KLHDC2: variants seen among roughly 807,000 people sequenced by gnomAD.
KLHDC2 encodes the protein kelch domain-containing protein 2.
In KLHDC2, 38 loss-of-function variants were observed where a neutral mutation model predicts 62.3. The observed-to-expected ratio is 0.61, with a 90% CI of 0.47 to 0.80. KLHDC2 has a LOEUF of 0.80. Ranked by LOEUF, KLHDC2 falls within the 30% of genes least tolerant of loss-of-function variation. The pLI is 0.00. For missense variants in KLHDC2, 430 were observed against 495.3 expected (o/e 0.87, Z 1.25); for synonymous variants, 159 against 161.0 (o/e 0.99, Z 0.09).
intron 2 of KLHDC2, among the ~76,000 whole-genome samples, chr14:49,773,812 G>A (rs1889715344): frequency 6.6e-6 from 1 of 151,946 alleles, no homozygotes; most frequent in Admixed American, 6.6e-5. Context: ...TCTTGACCTT[G>A]TGATCCACCT....
chr14:49,774,813 A>G, intron 3 of KLHDC2, 135 bp downstream of exon 3: 1 of 724,834 alleles, frequency 1.4e-6, no homozygotes, highest in Admixed American at 2.2e-5. Flanking sequence ...TATGATATGA[A>G]TGTGCATTTT....
chr14:49,769,425 A>G (rs1889614000), intron 1 of KLHDC2, among the ~76,000 whole-genome samples: 1 of 152,142 alleles, frequency 6.6e-6, no homozygotes, highest in Non-Finnish European at 1.5e-5. Flanking sequence ...GGTCTTGAAA[A>G]TGTTCTCCGC....
Position 49,778,168 on chromosome 14 carries a change from C to T in KLHDC2, c.468-10C>T, listed in dbSNP as rs1211503461. ...TTGAATTTTTAGTGTCTTGGTTTTT[C>T]ATCCAACAGGTTAATATTTTTTGGA... On this transcript the variant is annotated splice_polypyrimidine_tract_variant and intron_variant, in intron 4 of 12. Coordinates refer to ENST00000298307, the MANE Select transcript of KLHDC2 (RefSeq NM_014315.3). 1.3e-6 allele frequency: 2 copies of T among 1,574,598 alleles called. No homozygotes were observed. The highest frequency in any genetic ancestry group is 1.1e-5 in the South Asian group (1 of 87,154).
intron 11 of KLHDC2, 41 bp downstream of exon 11, chr14:49,782,498 C>A: frequency 6.3e-7 from 1 of 1,594,976 alleles, no homozygotes; most frequent in East Asian, 2.2e-5. Context: ...AACTTACTTG[C>A]AAAGCATTTG....
At position 49,778,443 on chromosome 14, in the gene KLHDC2, T is replaced by C. The variant is rs35029396; in HGVS notation, c.582T>C (p.His194=). The C allele has an allele frequency of 4.1e-3, 6,509 of 1,590,490 alleles. 256 individuals carry two copies. The African/African-American group carries it at 0.076, about 19-fold the overall frequency. ...GTCATCCAAGAGGATGGAATGATCA[T>C]GTACATATTTTAGATACTGAAACAT... ...NSSHPRGWND[H]VHILDTETFT... is the part of the protein sequence containing the mutation. Residue 194 remains histidine, a synonymous_variant, in exon 6 of 13, where the codon CAT becomes CAC. Transcript: ENST00000298307.
Position 49,785,033 on chromosome 14 carries a change from T to C in KLHDC2, c.*2080T>C. The C allele has an allele frequency of 6.2e-7, 1 of 1,608,530 alleles. No homozygotes were observed. The highest frequency in any genetic ancestry group is 8.5e-7 in the Non-Finnish European group (1 of 1,175,204). ...TAAATACAAAAAAGAGTAAGAATAA[T>C]CTACTGTTAAGTCACTGAACTGTTT... On this transcript the variant is annotated 3_prime_UTR_variant, in exon 13 of 13. Coordinates refer to ENST00000298307, the MANE Select transcript of KLHDC2 (RefSeq NM_014315.3).
intron 10 of KLHDC2, among the ~76,000 whole-genome samples, chr14:49,781,697 T>C (rs1310385727): frequency 1.3e-5 from 2 of 149,970 alleles, no homozygotes; most frequent in African/African-American, 4.9e-5. Flanking sequence ...ACTCTGTCTC[T>C]TAAAAAAAAA....
At position 49,785,004 on chromosome 14, in the gene KLHDC2, G is replaced by A. The variant is rs772970976; in HGVS notation, c.*2051G>A. 1.2e-6 allele frequency: 2 copies of A among 1,613,198 alleles called. No homozygotes were observed. On this transcript the variant is annotated 3_prime_UTR_variant, in exon 13 of 13. Transcript: ENST00000298307. Reference sequence around the variant, plus strand: ...GAAACTATTCAAGGCTGTTTTTGCAGCTGTAAATACAAAAAAGAGTAAGAA... The same window carrying A: ...GAAACTATTCAAGGCTGTTTTTGCAACTGTAAATACAAAAAAGAGTAAGAA...
chr14:49,781,369 C>CAA (rs1555343492), intron 10 of KLHDC2, among the ~76,000 whole-genome samples: 22 of 124,636 alleles, frequency 1.8e-4, no homozygotes, highest in African/African-American at 6.8e-4. Flanking sequence ...AACTCTGTCT[C>CAA]AAAAAAAAAA....
At chr14:49,775,760 G>A (rs773281036) in intron 3 of KLHDC2, among the ~76,000 whole-genome samples, 2 of 151,824 alleles carry the variant, frequency 1.3e-5, no homozygotes, top group Non-Finnish European at 2.9e-5. Context: ...CTGAGTAGCT[G>A]GGATTACAGG....
intron 1 of KLHDC2, among the ~76,000 whole-genome samples, chr14:49,769,276 T>G (rs1889610675): frequency 6.6e-6 from 1 of 152,206 alleles, no homozygotes; most frequent in African/African-American, 2.4e-5. Context: ...TCTTTGACTC[T>G]CCGATCCCCT....
intron 10 of KLHDC2, among the ~76,000 whole-genome samples, chr14:49,781,908 A>C (rs1303860090): frequency 1.3e-5 from 2 of 152,196 alleles, no homozygotes; most frequent in Non-Finnish European, 2.9e-5. Context: ...CAAGTATCTA[A>C]ACCAAGTATA....
Position 49,768,479 on chromosome 14 carries a change from G to A in KLHDC2, c.11G>A (p.Gly4Asp), listed in dbSNP as rs1001996529. Reference sequence around the variant, plus strand: ...AAGTGCAGCCTCAAGATGGCTGATGGCAACGAGGATCTGCGGGCTGACGAC... The same window carrying A: ...AAGTGCAGCCTCAAGATGGCTGATGACAACGAGGATCTGCGGGCTGACGAC... MAD[G>D]NEDLRADDLP... Residue 4 changes from glycine (G) to aspartate (D), a missense_variant, in exon 1 of 13, where the codon GGC becomes GAC. Physicochemically the swap from Gly to Asp is moderately conservative, Grantham distance 94. Transcript: ENST00000298307. 3.1e-6 allele frequency: 5 copies of A among 1,609,740 alleles called. No homozygotes were observed. In the African/African-American group the frequency reaches 4.0e-5, roughly 13 times the overall value.
At position 49,774,199 on chromosome 14, in the gene KLHDC2, C is replaced by T. The variant is rs77683333; in HGVS notation, c.234-362C>T. On this transcript the variant is annotated intron_variant, in intron 2 of 12. Transcript: ENST00000298307. ...CAGCACTGGGAATGTTGAGGTTTTC[C>T]TTCTGGGCTCCTGGCCCACTCAAAA... Among the ~76,000 whole-genome samples the T allele has an allele frequency of 4.5e-3, 681 of 152,288 alleles. 4 individuals are homozygous for T. Among genetic ancestry groups the T allele is most frequent in the African/African-American group, 0.015 (634 of 41,552 alleles).
rs201017309 is a variant in KLHDC2 at position 49,778,295 on chromosome 14, A to G, written c.549+36A>G. 6.5e-4 allele frequency: 926 copies of G among 1,415,308 alleles called. 2 individuals are homozygous for G. The highest frequency in any genetic ancestry group is 8.2e-4 in the Admixed American group (46 of 55,872). The allele number at this position is 1,415,308 out of a possible 1,614,324, so 87.7% of individuals were successfully genotyped here. ...TTTCATATTTGCATATGGCCTCCTT[A>G]GTATGTTGAAATAATACATTTTATA... is the stretch of plus-strand genomic sequence containing the variant. On this transcript the variant is annotated intron_variant, in intron 5 of 12. Coordinates refer to ENST00000298307, the MANE Select transcript of KLHDC2 (RefSeq NM_014315.3).
At chr14:49,769,517 A>AT (rs768486426) in intron 1 of KLHDC2, among the ~76,000 whole-genome samples, 29 of 152,310 alleles carry the variant, frequency 1.9e-4, no homozygotes, top group Non-Finnish European at 3.4e-4. Context: ...ATAGTTGACC[A>AT]TTTTTGAGAT....
intron 2 of KLHDC2, among the ~76,000 whole-genome samples, chr14:49,772,358 A>G (rs1298122385): frequency 6.6e-6 from 1 of 152,226 alleles, no homozygotes; most frequent in Non-Finnish European, 1.5e-5. Context: ...GTGGTATTCT[A>G]TTTTAATAAG....
Position 49,771,612 on chromosome 14 carries a change from T to TTA in KLHDC2, c.176_177dup (p.Asp60MetfsTer41), listed in dbSNP as rs1486886112. ...TTCTTAGAGTAATCAAGTCAGAGGA[T>TTA]TATATGACTTTTATCTGCCTAGAGA... On this transcript the variant is annotated frameshift_variant, in exon 2 of 13. Transcript: ENST00000298307. LOFTEE classifies it high-confidence loss of function. The TTA allele has an allele frequency of 6.7e-7, 1 of 1,486,096 alleles. No homozygotes were observed. The highest frequency in any genetic ancestry group is 9.4e-7 in the Non-Finnish European group (1 of 1,063,932). The allele number at this position is 1,486,096 out of a possible 1,614,324, so 92.1% of individuals were successfully genotyped here.
chr14:49,784,559 A>G lies in KLHDC2; in HGVS notation c.*1606A>G, dbSNP rs1890067923. The G allele has an allele frequency of 1.0e-6, 1 of 953,472 alleles. No individual in the cohort carries two copies. Among genetic ancestry groups the G allele is most frequent in the African/African-American group, 1.6e-5 (1 of 61,472 alleles). 59.1% of individuals were successfully genotyped at this position (953,472 alleles called of 1,614,324 possible). A position where few individuals can be genotyped will look rare whatever the true frequency, so the allele number is the denominator to read the frequency against. On this transcript the variant is annotated 3_prime_UTR_variant, in exon 13 of 13. Transcript: ENST00000298307. Reference sequence around the variant, plus strand: ...ATTTTTATAATGCGGAAATCCTGATACATGGTGCTTTCATCTTTGAACTTC... The same window carrying G: ...ATTTTTATAATGCGGAAATCCTGATGCATGGTGCTTTCATCTTTGAACTTC...
Sources: allele counts gnomAD v4.1 joint callset (sites outside exome capture counted in the v4.1 genomes callset), GRCh38; gene constraint gnomAD v4.1.1; transcripts MANE v1.5; gene names NCBI Gene and HGNC (gene_info 2026-07-23, HGNC 2026-07-21).